The following CASS4 variants were observed in gnomAD, a reference collection of about 807,000 sequenced individuals.
The protein encoded by CASS4 is cas scaffolding protein family member 4.
CASS4 carries 22 observed loss-of-function variants against 54.2 expected under a neutral mutation model. That is an observed-to-expected ratio of 0.41 (90% confidence interval 0.29 to 0.58). The LOEUF is 0.58. Among genes scored for constraint, CASS4 ranks in the 20% least tolerant of loss-of-function variants. The pLI is 0.36. For synonymous variants in CASS4, 409 were observed against 391.5 expected, an observed-to-expected ratio of 1.04 and a Z score of -0.53; for missense variants, 854 against 986.7, an observed-to-expected ratio of 0.87 and a Z score of 1.80.
At chr20:56,442,980 G>A (rs1160969569) in intron 2 of CASS4, among the ~76,000 whole-genome samples, 1 of 151,772 alleles carries the variant, frequency 6.6e-6, no homozygotes, top group Non-Finnish European at 1.5e-5. Flanking sequence ...TATAGGCAAA[G>A]GGGATCCCAC....
chr20:56,439,420 C>T (rs1980353457), intron 2 of CASS4, among the ~76,000 whole-genome samples: 1 of 151,842 alleles, frequency 6.6e-6, no homozygotes, highest in Non-Finnish European at 1.5e-5. Flanking sequence ...CCTGTAATCC[C>T]AGCAGTTTGG....
Position 56,437,488 on chromosome 20 carries a change from G to A in CASS4, c.361G>A (p.Glu121Lys), listed in dbSNP as rs753885243. 1.2e-6 allele frequency: 2 copies of A among 1,610,882 alleles called. No homozygotes were observed. The highest frequency in any genetic ancestry group is 1.7e-6 in the Non-Finnish European group (2 of 1,178,456). Residue 121 changes from glutamate to lysine, a missense_variant, in exon 2 of 6, where the codon GAG (glutamate) becomes AAG (lysine). By Grantham distance (56) the Glu-to-Lys change is moderately conservative. Transcript: ENST00000679887. This position sits in a 1 kb window ranked among gnomAD's most constrained non-coding sequence, Gnocchi z 4.7. The part of the protein sequence containing the change: ...PVYEQMRSWA[E>K]GPQPPTAQVY... ...TTATGAGCAGATGAGGAGTTGGGCG[G>A]AGGGGCCCCAGCCCCCTACTGCCCA...
intron 1 of CASS4, among the ~76,000 whole-genome samples, chr20:56,419,776 C>T (rs1600744227): frequency 6.6e-6 from 1 of 150,624 alleles, no homozygotes; most frequent in East Asian, 2.1e-4. Flanking sequence ...GGCACAGTGG[C>T]TCATGCCTGT....
intron 1 of CASS4, among the ~76,000 whole-genome samples, chr20:56,436,283 C>G (rs60811492): frequency 0.048 from 7,256 of 150,260 alleles, 629 homozygotes; most frequent in East Asian, 0.41. Context: ...CTGTACATGA[C>G]AGAGAGAGAG....
rs974932821 is a variant in CASS4, at chr20:56,437,650, A to G, written c.459+64A>G. The G allele has an allele frequency of 2.8e-5, 39 of 1,383,352 alleles. No individual in the cohort carries two copies. The East Asian group carries it at 8.3e-4, about 29-fold the overall frequency. The allele number at this position is 1,383,352 out of a possible 1,614,324, so 85.7% of individuals were successfully genotyped here. On this transcript the variant is annotated intron_variant, in intron 2 of 5. Coordinates refer to ENST00000679887, the MANE Select transcript of CASS4 (RefSeq NM_020356.4). This position sits in a 1 kb window ranked among gnomAD's most constrained non-coding sequence, Gnocchi z 4.7. Reference sequence around the variant, plus strand: ...TATGGAAACACCCAGAGGCCTAACTACCTCTTGAGGCATGGGTGTCCTTCA... The same window carrying G: ...TATGGAAACACCCAGAGGCCTAACTGCCTCTTGAGGCATGGGTGTCCTTCA...
rs1273921368 is a variant in CASS4, at chr20:56,430,767, A to G, written c.37-6397A>G. Among the ~76,000 whole-genome samples, 2 of 152,232 alleles carry G rather than the reference A, an allele frequency of 1.3e-5. No homozygotes were observed. Among genetic ancestry groups the G allele is most frequent in the African/African-American group, 4.8e-5 (2 of 41,464 alleles). On this transcript the variant is annotated intron_variant, in intron 1 of 5. Coordinates refer to ENST00000679887, the MANE Select transcript of CASS4 (RefSeq NM_020356.4). This position sits in a 1 kb window ranked among gnomAD's most constrained non-coding sequence, Gnocchi z 4.2. ...CTCTGCAAAGGGGTGACTCGAGCTG[A>G]GACCCAGAGGAGGAGGATCTGGCGG...
intron 1 of CASS4, among the ~76,000 whole-genome samples, chr20:56,436,273 C>A (rs896764832): frequency 3.3e-5 from 5 of 150,698 alleles, no homozygotes; most frequent in Admixed American, 1.3e-4. Context: ...TGTCAGGCAC[C>A]TGTACATGAC....
Position 56,450,587 on chromosome 20 carries a change from G to T in CASS4, c.562-12G>T, listed in dbSNP as rs1396797569. The stretch of plus-strand genomic sequence containing the variant: ...AACATTCAAGTTGTCTGCCTTTGTG[G>T]TCTTTCCCCAGGAGCCAGAGAAGCA... On this transcript the variant is annotated splice_polypyrimidine_tract_variant and intron_variant, in intron 3 of 5. Coordinates refer to ENST00000679887, the MANE Select transcript of CASS4 (RefSeq NM_020356.4). 6.2e-7 allele frequency: 1 copy of T among 1,613,646 alleles called. No individual in the cohort carries two copies. Among genetic ancestry groups the T allele is most frequent in the Non-Finnish European group, 8.5e-7 (1 of 1,179,608 alleles).
intron 1 of CASS4, among the ~76,000 whole-genome samples, chr20:56,417,034 A>AT (rs1299654413): frequency 6.6e-6 from 1 of 152,210 alleles, no homozygotes; most frequent in Non-Finnish European, 1.5e-5. Flanking sequence ...AAAATGTAGA[A>AT]TTTTTTAAAA....
chr20:56,431,380 A>G (rs1286751863), intron 1 of CASS4, among the ~76,000 whole-genome samples: 1 of 152,230 alleles, frequency 6.6e-6, no homozygotes, highest in Non-Finnish European at 1.5e-5. Context: ...ACGCTGAGGC[A>G]TAATTAATTG....
rs1302265622 is a variant in CASS4 at position 56,458,493 on chromosome 20, A to G, written c.2107A>G (p.Ile703Val). The change falls in exon 6 of 6, where the codon ATC (isoleucine) becomes GTC (valine). Residue 703 changes from isoleucine (I) to valine (V), a missense_variant. Coordinates refer to ENST00000679887, the MANE Select transcript of CASS4 (RefSeq NM_020356.4). ...CAGCAGCAGCCAGCCCGCGGAGATC[A>G]TCACTCAGAGCAAGCTGGTCATCAT... ...SLSSSQPAEI[I>V]TQSKLVIMVG... The G allele has an allele frequency of 6.2e-7, 1 of 1,614,182 alleles. No homozygotes were observed. Among genetic ancestry groups the G allele is most frequent in the Non-Finnish European group, 8.5e-7 (1 of 1,180,034 alleles).
chr20:56,437,677 A>C lies in CASS4; in HGVS notation c.459+91A>C. On this transcript the variant is annotated intron_variant, in intron 2 of 5. Coordinates refer to ENST00000679887, the MANE Select transcript of CASS4 (RefSeq NM_020356.4). The surrounding 1 kb of genome is among the most constrained non-coding windows in gnomAD (Gnocchi z 4.7). The stretch of plus-strand genomic sequence containing the variant: ...CTCTTGAGGCATGGGTGTCCTTCAG[A>C]TCAAACACGCAAAACGGGAGCCCAG... 1 of 1,199,130 alleles carries C rather than the reference A, an allele frequency of 8.3e-7. No homozygotes were observed. The highest frequency in any genetic ancestry group is 1.7e-5 in the South Asian group (1 of 57,772). The allele number at this position is 1,199,130 out of a possible 1,614,324, so 74.3% of individuals were successfully genotyped here. A position where few individuals can be genotyped will look rare whatever the true frequency, so the allele number is the denominator to read the frequency against.
At chr20:56,456,024 A>G (rs1981274797) in intron 5 of CASS4, among the ~76,000 whole-genome samples, 1 of 151,704 alleles carries the variant, frequency 6.6e-6, no homozygotes, top group South Asian at 2.1e-4. Context: ...CAGCATAATA[A>G]TGTGCATTTC....
rs997353338 is a variant in CASS4 at position 56,414,479 on chromosome 20, C to G, written c.36+1985C>G. ...TATTTTTAGCAATGGGGGTATCACT[C>G]TGTTGTCCAAGCTGGACTCAAATTC... On this transcript the variant is annotated intron_variant, in intron 1 of 5. Coordinates refer to ENST00000679887, the MANE Select transcript of CASS4 (RefSeq NM_020356.4). The surrounding 1 kb of genome is among the most constrained non-coding windows in gnomAD (Gnocchi z 4.1). Among the ~76,000 whole-genome samples the G allele has an allele frequency of 6.6e-6, 1 of 152,084 alleles. No individual in the cohort carries two copies.
intron 1 of CASS4, among the ~76,000 whole-genome samples, chr20:56,425,029 T>C (rs1979574047): frequency 1.3e-5 from 2 of 152,190 alleles, no homozygotes; most frequent in Admixed American, 6.5e-5. Flanking sequence ...ACATGCAACA[T>C]GCAGCTACTG....
intron 3 of CASS4, among the ~76,000 whole-genome samples, chr20:56,449,215 T>C (rs966365755): frequency 1.2e-4 from 19 of 152,316 alleles, no homozygotes; most frequent in Admixed American, 1.2e-3. Flanking sequence ...AACCCAAATG[T>C]CCACCAGTGA....
Position 56,458,772 on chromosome 20 carries a change from C to G in CASS4, c.*25C>G. 6.4e-7 allele frequency: 1 copy of G among 1,554,956 alleles called. No homozygotes were observed. The highest frequency in any genetic ancestry group is 1.4e-5 in the African/African-American group (1 of 74,026). On this transcript the variant is annotated 3_prime_UTR_variant, in exon 6 of 6. Coordinates refer to ENST00000679887, the MANE Select transcript of CASS4 (RefSeq NM_020356.4). ...AGGACTGTCTACCTCCCTTCCTCCT[C>G]TGCTCACCTCTCAGCTTCACACCCA...
Position 56,459,681 on chromosome 20 carries a change from G to A in CASS4, c.*934G>A, listed in dbSNP as rs111416975. The stretch of plus-strand genomic sequence containing the variant: ...GTCGGGGTTTCACCATATTAGCCAG[G>A]CTGGTCTGGAACTCCTGACCTCAGG... On this transcript the variant is annotated 3_prime_UTR_variant, in exon 6 of 6. Coordinates refer to ENST00000679887, the MANE Select transcript of CASS4 (RefSeq NM_020356.4). The A allele has an allele frequency of 1.5e-3, 227 of 154,916 alleles. 1 individual carries two copies. Among genetic ancestry groups the A allele is most frequent in the African/African-American group, 5.2e-3 (217 of 41,566 alleles). The allele number at this position is 154,916 out of a possible 1,614,324, so 9.6% of individuals were successfully genotyped here.
At position 56,458,056 on chromosome 20, in the gene CASS4, C is replaced by T. The variant is rs186063139; in HGVS notation, c.1954-284C>T. On this transcript the variant is annotated intron_variant, in intron 5 of 5. Coordinates refer to ENST00000679887, the MANE Select transcript of CASS4 (RefSeq NM_020356.4). ...AAAAAAGTTATAAATATAGTCATTG[C>T]CAATGTGTTTCTTAAAATGGGTTTC... Among the ~76,000 whole-genome samples, 116 of 150,058 alleles carry T rather than the reference C, an allele frequency of 7.7e-4. No homozygotes were observed. The Middle Eastern group carries it at 0.01, about 13-fold the overall frequency.
Sources: gnomAD v4.1 joint callset for allele counts (sites outside exome capture counted in the v4.1 genomes callset) on GRCh38, gnomAD v4.1.1 for gene constraint, Gnocchi (gnomAD v3.1) non-coding constraint, MANE v1.5 for transcripts, NCBI Gene and HGNC (gene_info 2026-07-23, HGNC 2026-07-21) for gene names.